The following CHD8 variants were observed in gnomAD, a reference collection of about 807,000 sequenced individuals.
The protein encoded by CHD8 is chromodomain helicase DNA binding protein 8.
A neutral mutation model predicts 279.2 loss-of-function variants in CHD8; 31 were observed. The ratio of observed to expected loss-of-function variants is 0.11; its 90% CI spans 0.08 to 0.15. CHD8 has a LOEUF of 0.15. CHD8 is among the 10% of genes least tolerant of loss of function. CHD8 has a pLI of 1.00. For missense variants in CHD8, 2,146 were observed against 3,230.5 expected (o/e 0.66, Z 8.14); for synonymous variants, 1,081 against 1,139.6 (o/e 0.95, Z 1.04).
intron 37 of CHD8, among the ~76,000 whole-genome samples, chr14:21,389,945 A>G (rs1049843823): frequency 1.3e-4 from 20 of 152,164 alleles, no homozygotes; most frequent in African/African-American, 4.8e-4. Flanking sequence ...TAGAATTAGA[A>G]AACTTAAGGC....
At chr14:21,401,104 T>C in intron 21 of CHD8, 33 bp from the exon 22 acceptor site, 1 of 1,484,676 alleles carries the variant, frequency 6.7e-7, no homozygotes, top group Non-Finnish European at 9.1e-7. Context: ...AGTAATTCTC[T>C]TCCTGATTTG....
chr14:21,408,730 A>G lies in CHD8; in HGVS notation c.2460T>C (p.Asn820=). 6.2e-7 allele frequency: 1 copy of G among 1,611,346 alleles called. No individual in the cohort carries two copies. The highest frequency in any genetic ancestry group is 8.5e-7 in the Non-Finnish European group (1 of 1,178,506). Residue 820 remains asparagine (N), a synonymous_variant, in exon 12 of 38, where the codon AAT becomes AAC. Transcript: ENST00000646647. The surrounding 1 kb of genome is among the most constrained non-coding windows in gnomAD (Gnocchi z 4.3). ...QLREYQLEGV[N]WLLFNWYNRQ... ...TGTTATACCAATTAAAGAGCAGCCAATTAACCCCTTCCAACTGATATTCCC... is the reference window on the plus strand; with the variant it reads ...TGTTATACCAATTAAAGAGCAGCCAGTTAACCCCTTCCAACTGATATTCCC...
At chr14:21,449,896 T>C (rs1035866623) in intron 1 of CHD8, among the ~76,000 whole-genome samples, 2 of 152,202 alleles carry the variant, frequency 1.3e-5, no homozygotes, top group African/African-American at 2.4e-5. Flanking sequence ...AGTTAAATTT[T>C]CATTTAAAAA....
At chr14:21,440,011 A>G (rs1889915442) in intron 1 of CHD8, among the ~76,000 whole-genome samples, 1 of 152,210 alleles carries the variant, frequency 6.6e-6, no homozygotes, top group Non-Finnish European at 1.5e-5. Flanking sequence ...ATCCAAAAAC[A>G]AGTAAGACAT....
rs1389333400 is a variant in CHD8, at chr14:21,386,262, T to C, written c.7183-86A>G. 3.1e-6 allele frequency: 4 copies of C among 1,308,464 alleles called. No individual in the cohort carries two copies. In the African/African-American group the frequency reaches 6.0e-5, roughly 20 times the overall value. 81.1% of individuals were successfully genotyped at this position (1,308,464 alleles called of 1,614,324 possible). A position where few individuals can be genotyped will look rare whatever the true frequency, so the allele number is the denominator to read the frequency against. ...AAGCCAACAGAGTCCTAGCTTACAA[T>C]GCTTTTTTACTGAATGTACCTTAGA... On this transcript the variant is annotated intron_variant, in intron 37 of 37. Coordinates refer to ENST00000646647, the MANE Select transcript of CHD8 (RefSeq NM_001170629.2).
chr14:21,403,327 T>G lies in CHD8; in HGVS notation c.3519-115A>C. 2 of 1,275,412 alleles carry G rather than the reference T, an allele frequency of 1.6e-6. No individual in the cohort carries two copies. The highest frequency in any genetic ancestry group is 2.3e-5 in the Admixed American group (1 of 42,694). 79.0% of individuals were successfully genotyped at this position (1,275,412 alleles called of 1,614,324 possible). ...ATCAAAGCTGGTCAAAAACCCAAGT[T>G]GAGAGTGAGAATCTTAAAAACTTCT... On this transcript the variant is annotated intron_variant, in intron 17 of 37. Transcript: ENST00000646647. This position sits in a 1 kb window ranked among gnomAD's most constrained non-coding sequence, Gnocchi z 4.3.
intron 5 of CHD8, among the ~76,000 whole-genome samples, chr14:21,423,174 C>A (rs553092432): frequency 1.3e-5 from 2 of 151,992 alleles, no homozygotes; most frequent in East Asian, 3.9e-4. Flanking sequence ...GCCAAGATTG[C>A]GCCATTGCAC....
Position 21,451,571 on chromosome 14 carries a change from C to CAAA in CHD8, c.-216+4458_-216+4460dup, listed in dbSNP as rs969355375. Among the ~76,000 whole-genome samples the CAAA allele has an allele frequency of 2.5e-3, 78 of 31,630 alleles. 8 individuals are homozygous for CAAA. Among genetic ancestry groups the CAAA allele is most frequent in the African/African-American group, 6.6e-3 (58 of 8,784 alleles). The allele number at this position is 31,630 out of a possible 152,430, so 20.8% of individuals were successfully genotyped here. On this transcript the variant is annotated intron_variant, in intron 1 of 37. Coordinates refer to ENST00000646647, the MANE Select transcript of CHD8 (RefSeq NM_001170629.2). ...TGGGCAACAGAGTGAGACTCTGTCTCAAAAAAAAAAAAAAAAAAAAAAAAA... is the reference window on the plus strand; with the variant it reads ...TGGGCAACAGAGTGAGACTCTGTCTCAAAAAAAAAAAAAAAAAAAAAAAAAAAA...
At chr14:21,388,113 C>T (rs1887357322) in intron 37 of CHD8, among the ~76,000 whole-genome samples, 1 of 152,286 alleles carries the variant, frequency 6.6e-6, no homozygotes, top group African/African-American at 2.4e-5. Flanking sequence ...GTAACACTTC[C>T]ATTAATATAA....
In CHD8 at chr14:21,391,850, T is replaced by C; in HGVS notation, c.6868A>G (p.Arg2290Gly). The C allele has an allele frequency of 6.2e-7, 1 of 1,612,226 alleles. No individual in the cohort carries two copies. Among genetic ancestry groups the C allele is most frequent in the Non-Finnish European group, 8.5e-7 (1 of 1,178,244 alleles). The change falls in exon 35 of 38, where the codon AGA becomes GGA. Residue 2290 changes from arginine (R) to glycine (G), a missense_variant. Physicochemically the swap from Arg to Gly is moderately radical, Grantham distance 125. Coordinates refer to ENST00000646647, the MANE Select transcript of CHD8 (RefSeq NM_001170629.2). ...CCACTCACCTCTACTAGCTTCTTTC[T>C]GTTCCCCTTCTTCTTATGAAACAGT... ...HPLFHKKKGN[R>G]KKLVELEVEC...
chr14:21,387,034 ATTT>A (rs1887280198), intron 37 of CHD8, among the ~76,000 whole-genome samples: 1 of 152,224 alleles, frequency 6.6e-6, no homozygotes, highest in Middle Eastern at 3.2e-3. Flanking sequence ...TAATAAAATA[ATTT>A]TTGTTCCACA....
intron 5 of CHD8, among the ~76,000 whole-genome samples, chr14:21,420,493 G>C (rs1375871916): frequency 6.6e-6 from 1 of 152,142 alleles, no homozygotes; most frequent in African/African-American, 2.4e-5. Flanking sequence ...GGGAACATGG[G>C]ACTTCATTAA....
chr14:21,409,399 G>A (rs1419603889), intron 11 of CHD8, among the ~76,000 whole-genome samples: 1 of 152,148 alleles, frequency 6.6e-6, no homozygotes, highest in African/African-American at 2.4e-5. Context: ...AAAGAAACTT[G>A]AGACATATTA....
intron 14 of CHD8, 132 bp downstream of exon 14, chr14:21,406,724 C>G: frequency 1.3e-6 from 1 of 747,928 alleles, no homozygotes; most frequent in Non-Finnish European, 2.1e-6. Flanking sequence ...GTTACCATTC[C>G]CATAGGTCAT....
At chr14:21,410,449 G>A (rs1413970664) in intron 10 of CHD8, among the ~76,000 whole-genome samples, 2 of 152,178 alleles carry the variant, frequency 1.3e-5, no homozygotes, top group African/African-American at 4.8e-5. Context: ...TGCACCTCAA[G>A]AGCACTTACA....
Position 21,418,445 on chromosome 14 carries a change from A to G in CHD8, c.1717-2538T>C, listed in dbSNP as rs144761937. ...TGAGGCATGAGGATCACTTGAATGC[A>G]GGAGGCGGAGGTTGCAGTGAGCCAA... On this transcript the variant is annotated intron_variant, in intron 5 of 37. Transcript: ENST00000646647. Among the ~76,000 whole-genome samples the G allele has an allele frequency of 3.3e-5, 5 of 152,098 alleles. No homozygotes were observed. The East Asian group carries it at 9.6e-4, about 29-fold the overall frequency.
chr14:21,402,595 C>T lies in CHD8; in HGVS notation c.3715-92G>A, dbSNP rs948556194. Reference sequence around the variant, plus strand: ...AAATACCAATTTATGATTCTTTCACCTCTATAGAGCAGCCATGAGATCAAC... The same window carrying T: ...AAATACCAATTTATGATTCTTTCACTTCTATAGAGCAGCCATGAGATCAAC... On this transcript the variant is annotated intron_variant, in intron 18 of 37. Coordinates refer to ENST00000646647, the MANE Select transcript of CHD8 (RefSeq NM_001170629.2). This position sits in a 1 kb window ranked among gnomAD's most constrained non-coding sequence, Gnocchi z 4.5. 14 of 1,213,524 alleles carry T rather than the reference C, an allele frequency of 1.2e-5. No homozygotes were observed. The highest frequency in any genetic ancestry group is 1.4e-5 in the Non-Finnish European group (12 of 886,470). The allele number at this position is 1,213,524 out of a possible 1,614,324, so 75.2% of individuals were successfully genotyped here.
In CHD8 at chr14:21,405,760, CTCTGAT is replaced by C. The variant is rs772190519; in HGVS notation, c.3006_3011del (p.Ser1003_Glu1004del). On this transcript the variant is annotated inframe_deletion, in exon 15 of 38. Coordinates refer to ENST00000646647, the MANE Select transcript of CHD8 (RefSeq NM_001170629.2). The surrounding 1 kb of genome is among the most constrained non-coding windows in gnomAD (Gnocchi z 4.2). The stretch of plus-strand genomic sequence containing the variant: ...TGAGATCCCCAAAGTCCTTGAGAAA[CTCTGAT>C]TCTGAGGGAAATTGTGACGGTTCCA... 1.2e-6 allele frequency: 2 copies of C among 1,613,934 alleles called. No homozygotes were observed. Among genetic ancestry groups the C allele is most frequent in the South Asian group, 2.2e-5 (2 of 91,086 alleles).
intron 1 of CHD8, among the ~76,000 whole-genome samples, chr14:21,452,073 G>A (rs781350227): frequency 1.3e-5 from 2 of 152,046 alleles, no homozygotes; most frequent in Non-Finnish European, 2.9e-5. Flanking sequence ...ACAGAGTCTC[G>A]CTCTGTCACC....
Sources: gnomAD v4.1 joint callset for allele counts (sites outside exome capture counted in the v4.1 genomes callset) on GRCh38, gnomAD v4.1.1 for gene constraint, Gnocchi (gnomAD v3.1) non-coding constraint, MANE v1.5 for transcripts, NCBI Gene and HGNC (gene_info 2026-07-23, HGNC 2026-07-21) for gene names.